Variants in KCNQ3 observed in about 807,000 individuals in gnomAD.
KCNQ3 encodes potassium voltage-gated channel subfamily KQT member 3.
KCNQ3 carries 30 observed loss-of-function variants against 92.5 expected under a neutral mutation model. The observed-to-expected ratio is 0.32, with a 90% CI of 0.24 to 0.44. The LOEUF is 0.44. Among genes scored for constraint, KCNQ3 ranks in the 20% least tolerant of loss-of-function variants. KCNQ3 has a pLI of 1.00. For missense variants in KCNQ3, 913 were observed against 1,140.3 expected, an observed-to-expected ratio of 0.80 and a Z score of 2.87; for synonymous variants, 450 against 468.8, an observed-to-expected ratio of 0.96 and a Z score of 0.52.
At chr8:132,410,825 G>A (rs1475795417) in intron 1 of KCNQ3, among the ~76,000 whole-genome samples, 5 of 152,238 alleles carry the variant, frequency 3.3e-5, no homozygotes, top group Admixed American at 2.0e-4. Flanking sequence ...TATAGATAGC[G>A]TGACAGATGG....
chr8:132,388,907 A>G (rs1819974208), intron 1 of KCNQ3, among the ~76,000 whole-genome samples: 1 of 152,218 alleles, frequency 6.6e-6, no homozygotes. Flanking sequence ...TTTGGAGTAT[A>G]GTGGGAAACT....
At chr8:132,165,842 A>G (rs981824464) in intron 8 of KCNQ3, among the ~76,000 whole-genome samples, 2 of 152,228 alleles carry the variant, frequency 1.3e-5, no homozygotes, top group African/African-American at 4.8e-5. Flanking sequence ...ACCTATAAAA[A>G]TGGGGTTATG....
At chr8:132,448,113 T>G (rs1487223829) in intron 1 of KCNQ3, among the ~76,000 whole-genome samples, 1 of 152,134 alleles carries the variant, frequency 6.6e-6, no homozygotes, top group Admixed American at 6.6e-5. Context: ...TGACAAGCAC[T>G]CCTCCTTTTT....
intron 1 of KCNQ3, among the ~76,000 whole-genome samples, chr8:132,237,602 AAG>A (rs1814858889): frequency 6.6e-6 from 1 of 152,144 alleles, no homozygotes; most frequent in African/African-American, 2.4e-5. Context: ...ACAGAAAAGG[AAG>A]AAACTCAGGC....
At chr8:132,272,357 T>G (rs561556814) in intron 1 of KCNQ3, among the ~76,000 whole-genome samples, 1 of 152,324 alleles carries the variant, frequency 6.6e-6, no homozygotes, top group African/African-American at 2.4e-5. Flanking sequence ...AATTGGTTCA[T>G]GGGCCCACAT....
intron 12 of KCNQ3, among the ~76,000 whole-genome samples, chr8:132,136,801 T>C (rs1456401574): frequency 6.6e-6 from 1 of 151,976 alleles, no homozygotes; most frequent in East Asian, 1.9e-4. Context: ...TATCCACAAA[T>C]CATATAATTT....
chr8:132,377,084 T>C (rs1819630613), intron 1 of KCNQ3, among the ~76,000 whole-genome samples: 1 of 152,218 alleles, frequency 6.6e-6, no homozygotes, highest in African/African-American at 2.4e-5. Context: ...TCTGGGTGTG[T>C]CTGTGAGGAT....
intron 9 of KCNQ3, among the ~76,000 whole-genome samples, chr8:132,154,988 A>G (rs1036404604): frequency 6.6e-6 from 1 of 152,228 alleles, no homozygotes; most frequent in Non-Finnish European, 1.5e-5. Context: ...TGTTCAGTTC[A>G]GTGTAAATCT....
intron 1 of KCNQ3, among the ~76,000 whole-genome samples, chr8:132,380,855 C>T (rs1036953112): frequency 6.7e-6 from 1 of 150,368 alleles, no homozygotes; most frequent in Admixed American, 6.7e-5. Flanking sequence ...AAAGTCCCAG[C>T]TCATCACGAC....
intron 1 of KCNQ3, among the ~76,000 whole-genome samples, chr8:132,318,350 G>A (rs1358463436): frequency 2.6e-5 from 4 of 152,228 alleles, no homozygotes; most frequent in African/African-American, 4.8e-5. Context: ...TCTCAAAGAT[G>A]TCTAGGGCCC....
chr8:132,235,224 C>A (rs960805161), intron 1 of KCNQ3, among the ~76,000 whole-genome samples: 1 of 151,940 alleles, frequency 6.6e-6, no homozygotes. Flanking sequence ...CCTGGCCGGG[C>A]GCAGTGGCTC....
chr8:132,440,611 T>C (rs1464002346), intron 1 of KCNQ3, among the ~76,000 whole-genome samples: 1 of 152,150 alleles, frequency 6.6e-6, no homozygotes, highest in East Asian at 1.9e-4. Context: ...ACGTGACCCT[T>C]TCCCCACGCC....
intron 1 of KCNQ3, among the ~76,000 whole-genome samples, chr8:132,445,041 G>C (rs1190601094): frequency 6.6e-6 from 1 of 152,152 alleles, no homozygotes; most frequent in Non-Finnish European, 1.5e-5. Context: ...CAGGTAACAT[G>C]CTCTGCACCC....
chr8:132,448,501 T>TAA (rs1821740557), intron 1 of KCNQ3, among the ~76,000 whole-genome samples: 1 of 9,660 alleles, frequency 1.0e-4, no homozygotes, highest in Non-Finnish European at 1.9e-4. Flanking sequence ...AGGAGAAATA[T>TAA]GAAAAAAAAA....
At chr8:132,164,246 G>T (rs1826075603) in intron 8 of KCNQ3, among the ~76,000 whole-genome samples, 3 of 149,542 alleles carry the variant, frequency 2.0e-5, no homozygotes, top group African/African-American at 7.7e-5. Context: ...TTATTCAATT[G>T]CCCAAGGTCT....
chr8:132,373,651 A>G (rs538875612), intron 1 of KCNQ3, among the ~76,000 whole-genome samples: 3 of 152,152 alleles, frequency 2.0e-5, no homozygotes, highest in African/African-American at 4.8e-5. Context: ...CCAAGACCCA[A>G]TGTCAATTCT....
At position 132,304,281 on chromosome 8, in the gene KCNQ3, G is replaced by A. The variant is rs147324441; in HGVS notation, c.387-118100C>T. 3.3e-4 allele frequency among the ~76,000 whole-genome samples: 50 copies of A among 152,224 alleles called. No individual in the cohort carries two copies. The East Asian group carries it at 8.7e-3, about 26-fold the overall frequency. Reference sequence around the variant, plus strand: ...ACATCCATGTAATGAAACTGTACTTGTACCCCCTAAATCTACAGAAATGTT... The same window carrying A: ...ACATCCATGTAATGAAACTGTACTTATACCCCCTAAATCTACAGAAATGTT... On this transcript the variant is annotated intron_variant, in intron 1 of 14. Transcript: ENST00000388996.
intron 1 of KCNQ3, among the ~76,000 whole-genome samples, chr8:132,216,921 A>T (rs996177615): frequency 1.3e-5 from 2 of 152,102 alleles, no homozygotes; most frequent in Admixed American, 1.3e-4. Flanking sequence ...AGTCTCTGGA[A>T]TTTTGCAAGG....
At chr8:132,141,482 C>G in intron 9 of KCNQ3, 151 bp from the exon 10 acceptor site, 1 of 747,956 alleles carries the variant, frequency 1.3e-6, no homozygotes, top group Non-Finnish European at 2.3e-6. Flanking sequence ...AGCTTGGAAT[C>G]GGACAGGGCG....
Sources: allele counts gnomAD v4.1 joint callset (sites outside exome capture counted in the v4.1 genomes callset), GRCh38; gene constraint gnomAD v4.1.1; transcripts MANE v1.5; gene names NCBI Gene and HGNC (gene_info 2026-07-23, HGNC 2026-07-21).